The following CSMD1 variants were observed in gnomAD, a reference collection of about 807,000 sequenced individuals.
CSMD1 encodes CUB and sushi domain-containing protein 1.
CSMD1 carries 213 observed loss-of-function variants against 417.5 expected under a neutral mutation model. The ratio of observed to expected loss-of-function variants is 0.51; its 90% CI spans 0.46 to 0.57. The LOEUF (loss-of-function observed/expected upper bound fraction) is 0.57. CSMD1 is among the 20% of genes least tolerant of loss of function. CSMD1 has a pLI of 0.00. For synonymous variants in CSMD1, 2,862 were observed against 1,736.8 expected, an observed-to-expected ratio of 1.65 and a Z score of -16.11; for missense variants, 6,923 against 4,529.7, an observed-to-expected ratio of 1.53 and a Z score of -15.17.
rs147138732 is a variant in CSMD1, at chr8:3,044,634, G to GA, written c.7660+7827dup. 3.3e-3 allele frequency among the ~76,000 whole-genome samples: 473 copies of GA among 144,162 alleles called. 4 individuals are homozygous for GA. Among genetic ancestry groups the GA allele is most frequent in the African/African-American group, 6.2e-3 (245 of 39,408 alleles). 94.6% of individuals were successfully genotyped at this position (144,162 alleles called of 152,430 possible). A position where few individuals can be genotyped will look rare whatever the true frequency, so the allele number is the denominator to read the frequency against. On this transcript the variant is annotated intron_variant, in intron 50 of 69. Transcript: ENST00000635120. Reference sequence around the variant, plus strand: ...TCCAGTCTCAGTAAATAACTGAAATGAAAAAAAAAAGGGACCTCAAACATC... The same window carrying GA: ...TCCAGTCTCAGTAAATAACTGAAATGAAAAAAAAAAAGGGACCTCAAACATC...
chr8:3,839,165 C>A (rs1431741562), intron 5 of CSMD1, among the ~76,000 whole-genome samples: 1 of 125,344 alleles, frequency 8.0e-6, no homozygotes, highest in African/African-American at 2.9e-5. Context: ...TATAGTCCCT[C>A]TCTCTATATA....
rs12680024 is a variant in CSMD1 at position 3,614,023 on chromosome 8, A to G, written c.1097+2687T>C. Among the ~76,000 whole-genome samples the G allele has an allele frequency of 5.0e-4, 76 of 152,034 alleles. No individual in the cohort carries two copies. In the East Asian group the frequency reaches 0.015, roughly 29 times the overall value. On this transcript the variant is annotated intron_variant, in intron 8 of 69. Transcript: ENST00000635120. ...TCACCTAGGGAGAAAGTTCTAGGAA[A>G]TCTATCAAAAAAGCTACTATATAAC...
At chr8:3,141,495 G>A (rs1818476050) in intron 41 of CSMD1, among the ~76,000 whole-genome samples, 1 of 152,116 alleles carries the variant, frequency 6.6e-6, no homozygotes, top group African/African-American at 2.4e-5. Context: ...CAAATTACCT[G>A]TAAGATTAGA....
At chr8:3,055,097 T>C (rs13264238) in intron 49 of CSMD1, among the ~76,000 whole-genome samples, 73,727 of 152,068 alleles carry the variant, frequency 0.48, 18,427 homozygotes, top group Non-Finnish European at 0.55. Flanking sequence ...AATTCTCATT[T>C]GGGCAGAGCA....
Position 3,753,966 on chromosome 8 carries a change from T to G in CSMD1, c.895A>C (p.Asn299His). ...GCGTTAAATCCTTTGCGTCGGTGGT[T>G]GCTGTCAGAGGTGAAATGGAGTCGT... Reference protein sequence around the residue: ...WLRLHFTSDSNHRRKGFNAQF... With the variant: ...WLRLHFTSDSHHRRKGFNAQF... The change falls in exon 6 of 70, where the codon AAC becomes CAC. Residue 299 changes from asparagine (N) to histidine (H), a missense_variant. By Grantham distance (68) the Asn-to-His change is moderately conservative (BLOSUM62 1). Transcript: ENST00000635120. 1 of 1,613,194 alleles carries G rather than the reference T, an allele frequency of 6.2e-7. No individual in the cohort carries two copies. Among genetic ancestry groups the G allele is most frequent in the Non-Finnish European group, 8.5e-7 (1 of 1,179,408 alleles).
At chr8:3,844,677 T>C (rs1439018629) in intron 5 of CSMD1, among the ~76,000 whole-genome samples, 1 of 152,184 alleles carries the variant, frequency 6.6e-6, no homozygotes, top group African/African-American at 2.4e-5. Context: ...GAATTCATCA[T>C]TGTCGGGAAC....
chr8:4,387,020 G>C (rs562044516), intron 3 of CSMD1, among the ~76,000 whole-genome samples: 25 of 152,090 alleles, frequency 1.6e-4, no homozygotes, highest in Non-Finnish European at 3.2e-4. Context: ...GAAAGGGACT[G>C]AGTTTGAGAT....
At chr8:4,863,988 T>G (rs952119664) in intron 1 of CSMD1, among the ~76,000 whole-genome samples, 9 of 152,072 alleles carry the variant, frequency 5.9e-5, no homozygotes, top group African/African-American at 2.4e-5. Flanking sequence ...CATATTTTAT[T>G]CAGTACATGT....
At chr8:4,274,676 A>G (rs1183600141) in intron 3 of CSMD1, among the ~76,000 whole-genome samples, 2 of 152,142 alleles carry the variant, frequency 1.3e-5, no homozygotes, top group Non-Finnish European at 2.9e-5. Context: ...ATAAAATTAA[A>G]TGTTTCTTAG....
intron 1 of CSMD1, among the ~76,000 whole-genome samples, chr8:4,779,249 T>A (rs185413054): frequency 7.8e-4 from 119 of 152,188 alleles, no homozygotes; most frequent in African/African-American, 2.8e-3. Context: ...CCTGTAGAAA[T>A]TGACATTACT....
intron 23 of CSMD1, among the ~76,000 whole-genome samples, chr8:3,317,408 T>A (rs1805844508): frequency 6.6e-6 from 1 of 152,204 alleles, no homozygotes; most frequent in South Asian, 2.1e-4. Flanking sequence ...ATAGACAGTA[T>A]GAGTCAACAT....
intron 5 of CSMD1, among the ~76,000 whole-genome samples, chr8:3,903,094 G>C (rs1156973432): frequency 3.3e-5 from 5 of 152,114 alleles, no homozygotes; most frequent in East Asian, 3.9e-4. Flanking sequence ...GCTGCTGCTT[G>C]TCTGCTGAGC....
At chr8:4,215,648 G>T (rs1417437047) in intron 3 of CSMD1, among the ~76,000 whole-genome samples, 2 of 152,158 alleles carry the variant, frequency 1.3e-5, no homozygotes, top group African/African-American at 4.8e-5. Context: ...TACAAGAATT[G>T]AAAATAATTT....
intron 1 of CSMD1, among the ~76,000 whole-genome samples, chr8:4,812,597 C>T (rs1043295659): frequency 2.6e-5 from 4 of 151,524 alleles, no homozygotes; most frequent in Admixed American, 1.3e-4. Context: ...TCCAAGCAAG[C>T]TTTTTTTAAA....
At chr8:3,544,174 C>T (rs984453966) in intron 10 of CSMD1, among the ~76,000 whole-genome samples, 3 of 151,990 alleles carry the variant, frequency 2.0e-5, no homozygotes, top group African/African-American at 7.3e-5. Context: ...GTATTCCTAG[C>T]CTCTAGAGGT....
At chr8:4,814,150 G>T (rs987681844) in intron 1 of CSMD1, among the ~76,000 whole-genome samples, 1 of 152,190 alleles carries the variant, frequency 6.6e-6, no homozygotes. Flanking sequence ...AACGAATTCC[G>T]TGAAAACTGC....
chr8:4,003,146 C>T (rs1171793571), intron 4 of CSMD1, among the ~76,000 whole-genome samples: 1 of 152,066 alleles, frequency 6.6e-6, no homozygotes, highest in East Asian at 1.9e-4. Context: ...GTAGTCCCAA[C>T]ACTTTGGGAG....
At chr8:3,607,965 T>C (rs1261786598) in intron 8 of CSMD1, among the ~76,000 whole-genome samples, 1 of 151,430 alleles carries the variant, frequency 6.6e-6, no homozygotes, top group Non-Finnish European at 1.5e-5. Flanking sequence ...AGGTCAGGAG[T>C]TCAAGACCAG....
intron 12 of CSMD1, among the ~76,000 whole-genome samples, chr8:3,439,154 C>G (rs61088908): frequency 3.8e-5 from 1 of 26,620 alleles, no homozygotes; most frequent in Non-Finnish European, 6.3e-5. Flanking sequence ...AAAAAAAAAC[C>G]AAGAAAAAAA....
Sources: gnomAD v4.1 joint callset for allele counts (sites outside exome capture counted in the v4.1 genomes callset) on GRCh38, gnomAD v4.1.1 for gene constraint, MANE v1.5 for transcripts, NCBI Gene and HGNC (gene_info 2026-07-23, HGNC 2026-07-21) for gene names.